Variants in TAF4 observed in about 807,000 individuals in gnomAD.
TAF4 encodes the protein TATA-box binding protein associated factor 4.
TAF4 carries 9 observed loss-of-function variants against 90.3 expected under a neutral mutation model. The observed-to-expected ratio is 0.10, with a 90% CI of 0.06 to 0.17. The LOEUF (loss-of-function observed/expected upper bound fraction) is 0.17. Ranked by LOEUF, TAF4 falls within the 10% of genes least tolerant of loss-of-function variation. The pLI is 1.00. For synonymous variants in TAF4, 818 were observed against 638.9 expected (o/e 1.28, Z -4.23); for missense variants, 1,351 against 1,370.7 (o/e 0.99, Z 0.23).
At chr20:62,047,365 T>C (rs1198213827) in intron 1 of TAF4, among the ~76,000 whole-genome samples, 1 of 152,098 alleles carries the variant, frequency 6.6e-6, no homozygotes. Context: ...ACATTCTTTT[T>C]TTCTGAGAGA....
At chr20:62,019,520 C>T (rs2055830636) in intron 1 of TAF4, among the ~76,000 whole-genome samples, 1 of 152,230 alleles carries the variant, frequency 6.6e-6, no homozygotes, top group Admixed American at 6.5e-5. Flanking sequence ...TCTCCACTCT[C>T]CCAGCGGTTC....
intron 10 of TAF4, 133 bp from the exon 11 acceptor site, chr20:62,000,387 G>A (rs1022891604): frequency 8.5e-6 from 12 of 1,411,702 alleles, no homozygotes; most frequent in Middle Eastern, 2.3e-4. Flanking sequence ...TGGGGTGGAA[G>A]GCAGTGGTAC....
chr20:61,987,840 G>C (rs1364198594), intron 14 of TAF4, among the ~76,000 whole-genome samples: 1 of 152,232 alleles, frequency 6.6e-6, no homozygotes, highest in Non-Finnish European at 1.5e-5. Flanking sequence ...CAGTAGGTGA[G>C]TGGATAAAAT....
rs776408181 is a variant in TAF4, at chr20:62,012,824, G to T, written c.1632C>A (p.Pro544=). The T allele has an allele frequency of 6.2e-7, 1 of 1,611,636 alleles. No individual in the cohort carries two copies. The highest frequency in any genetic ancestry group is 8.5e-7 in the Non-Finnish European group (1 of 1,179,408). Residue 544 remains proline, a synonymous_variant, in exon 3 of 15, where the codon CCC becomes CCA. Transcript: ENST00000252996. ...CCGCCTGCCCTCTCACCTGGACGCC[G>T]GGCGAGCGCTGCAGGGTTGCACTGG... The part of the protein sequence containing the change: ...VQPSATLQRS[P]GVQPQLVLGG...
At chr20:61,997,411 A>C in intron 14 of TAF4, 139 bp downstream of exon 14, 1 of 1,128,352 alleles carries the variant, frequency 8.9e-7, no homozygotes, top group Non-Finnish European at 1.2e-6. Flanking sequence ...ACGTAAAACA[A>C]ATACTCCAGA....
chr20:62,062,921 C>G (rs1472844222), intron 1 of TAF4, among the ~76,000 whole-genome samples: 2 of 152,200 alleles, frequency 1.3e-5, no homozygotes, highest in Non-Finnish European at 2.9e-5. Context: ...TCTGGAAAAA[C>G]ATTTTTATAA....
rs746066215 is a variant in TAF4, at chr20:62,010,112, C to T, written c.1695G>A (p.Thr565=). 3.1e-6 allele frequency: 5 copies of T among 1,613,878 alleles called. No individual in the cohort carries two copies. The highest frequency in any genetic ancestry group is 1.3e-5 in the African/African-American group (1 of 75,008). ...GCTGAGGAGTCCCCGTCTGAACAGCCGTCGCCGTCCCAAGTGAAGCCGTCT... is the reference window on the plus strand; with the variant it reads ...GCTGAGGAGTCCCCGTCTGAACAGCTGTCGCCGTCCCAAGTGAAGCCGTCT... ...AAQTASLGTA[T]AVQTGTPQRT... The change falls in exon 4 of 15, where the codon ACG becomes ACA. Residue 565 remains threonine (T), a synonymous_variant. Coordinates refer to ENST00000252996, the MANE Select transcript of TAF4 (RefSeq NM_003185.4). This position sits in a 1 kb window ranked among gnomAD's most constrained non-coding sequence, Gnocchi z 4.5.
intron 1 of TAF4, among the ~76,000 whole-genome samples, chr20:62,048,134 C>T (rs1026163775): frequency 2.0e-5 from 3 of 152,180 alleles, no homozygotes; most frequent in Non-Finnish European, 4.4e-5. Flanking sequence ...GGCTCAATGC[C>T]GAGTCAATTC....
chr20:62,029,911 A>G (rs779575445), intron 1 of TAF4, among the ~76,000 whole-genome samples: 20 of 152,180 alleles, frequency 1.3e-4, no homozygotes, highest in Non-Finnish European at 2.5e-4. Context: ...TCTCAAAAAA[A>G]ACAAAAAAAA....
At chr20:62,062,892 C>A (rs1419607390) in intron 1 of TAF4, among the ~76,000 whole-genome samples, 1 of 152,162 alleles carries the variant, frequency 6.6e-6, no homozygotes, top group Non-Finnish European at 1.5e-5. Flanking sequence ...ACCTGGCCTG[C>A]GCTGAGACAC....
rs1274163261 is a variant in TAF4, at chr20:61,976,067, C to A, written c.*101G>T. On this transcript the variant is annotated 3_prime_UTR_variant, in exon 15 of 15. Transcript: ENST00000252996. ...TAGAAACAGGAATATAAAACTGTTC[C>A]ATTGTAAAGAGGTGGCTGTTTTTTA... The A allele has an allele frequency of 4.7e-6, 6 of 1,272,514 alleles. No homozygotes were observed. In the Admixed American group the frequency reaches 9.6e-5, roughly 20 times the overall value. 78.8% of individuals were successfully genotyped at this position (1,272,514 alleles called of 1,614,324 possible).
chr20:62,043,496 C>G (rs143299319), intron 1 of TAF4, among the ~76,000 whole-genome samples: 1 of 152,046 alleles, frequency 6.6e-6, no homozygotes, highest in African/African-American at 2.4e-5. Context: ...CTAAGCATAC[C>G]CTAAGCATAG....
At chr20:62,004,022 AG>A in intron 7 of TAF4, 144 bp from the exon 8 acceptor site, 2 of 1,050,140 alleles carry the variant, frequency 1.9e-6, no homozygotes, top group Non-Finnish European at 2.6e-6. Context: ...TGTGCAGCTC[AG>A]CCCCAGCAGG....
At chr20:62,038,126 T>A (rs1191201435) in intron 1 of TAF4, among the ~76,000 whole-genome samples, 1 of 152,124 alleles carries the variant, frequency 6.6e-6, no homozygotes, top group Non-Finnish European at 1.5e-5. Context: ...CCTCCCAGGT[T>A]CATGCCATTC....
At chr20:61,994,430 T>A (rs1169337012) in intron 14 of TAF4, among the ~76,000 whole-genome samples, 1 of 152,260 alleles carries the variant, frequency 6.6e-6, no homozygotes, top group Non-Finnish European at 1.5e-5. Context: ...TTTATCTATA[T>A]CTCACACACG....
chr20:62,021,114 A>AC (rs1391929430), intron 1 of TAF4, among the ~76,000 whole-genome samples: 3 of 151,726 alleles, frequency 2.0e-5, no homozygotes, highest in African/African-American at 7.3e-5. Flanking sequence ...CACCTTCGAA[A>AC]CCCCCCGGGA....
intron 5 of TAF4, chr20:62,008,804 C>T (rs543715509): frequency 5.2e-6 from 2 of 385,320 alleles, no homozygotes; most frequent in Non-Finnish European, 9.2e-6. Context: ...GACGCAGGCA[C>T]CAGAAAACGG....
intron 2 of TAF4, 59 bp from the exon 3 acceptor site, chr20:62,012,993 G>C (rs2273991): frequency 0.11 from 183,498 of 1,597,248 alleles, 14,007 homozygotes; most frequent in East Asian, 0.45. Context: ...CCCACCCCCA[G>C]GTACACAGAA....
At position 62,004,069 on chromosome 20, in the gene TAF4, A is replaced by C. The variant is rs989314081; in HGVS notation, c.2224-191T>G. On this transcript the variant is annotated intron_variant, in intron 7 of 14. Coordinates refer to ENST00000252996, the MANE Select transcript of TAF4 (RefSeq NM_003185.4). Reference sequence around the variant, plus strand: ...ATGCTCTGGCCATGGACTCGGCCAGACCAGGGCAGGACGTGGGCGAGGGGT... The same window carrying C: ...ATGCTCTGGCCATGGACTCGGCCAGCCCAGGGCAGGACGTGGGCGAGGGGT... 2.6e-5 allele frequency among the ~76,000 whole-genome samples: 4 copies of C among 152,194 alleles called. 1 individual carries two copies. The highest frequency in any genetic ancestry group is 6.5e-5 in the Admixed American group (1 of 15,284).
Sources: gnomAD v4.1 joint callset for allele counts (sites outside exome capture counted in the v4.1 genomes callset) on GRCh38, gnomAD v4.1.1 for gene constraint, Gnocchi (gnomAD v3.1) non-coding constraint, MANE v1.5 for transcripts, NCBI Gene and HGNC (gene_info 2026-07-23, HGNC 2026-07-21) for gene names.